Variants in SP110 observed in about 807,000 individuals in gnomAD.
The protein encoded by SP110 is interferon-induced protein 41, 30kD.
A neutral mutation model predicts 92.7 loss-of-function variants in SP110; 62 were observed. That is an observed-to-expected ratio of 0.67 (90% CI 0.55 to 0.83). The LOEUF (loss-of-function observed/expected upper bound fraction) is 0.83, where lower values mean the gene tolerates loss of function less well. SP110 is among the 40% of genes least tolerant of loss of function. SP110 has a pLI of 0.00. For missense variants in SP110, 793 were observed against 863.9 expected (o/e 0.92, Z 1.03); for synonymous variants, 273 against 305.3 (o/e 0.89, Z 1.10).
intron 10 of SP110, among the ~76,000 whole-genome samples, chr2:230,195,287 A>G (rs4973298): frequency 0.76 from 115,903 of 151,748 alleles, 44,392 homozygotes; most frequent in Admixed American, 0.83. Flanking sequence ...AGGGGATTGA[A>G]TAAAGATGGA....
Position 230,216,821 on chromosome 2 carries a change from C to G in SP110, c.107G>C (p.Gly36Ala), listed in dbSNP as rs1040601439. 1.9e-6 allele frequency: 3 copies of G among 1,614,062 alleles called. No homozygotes were observed. The East Asian group carries it at 6.7e-5, about 36-fold the overall frequency. ...AGTGATGATGGAGTTGTCTAGGAGG[C>G]CTTCAAAGAAGGGAAATGGCTTGTG... Reference protein sequence around the residue: ...AIHKPFPFFEGLLDNSIITKR... With the variant: ...AIHKPFPFFEALLDNSIITKR... Residue 36 changes from glycine to alanine, a missense_variant, in exon 2 of 19, where the codon GGC (glycine) becomes GCC (alanine). Physicochemically the swap from Gly to Ala is moderately conservative, Grantham distance 60. Coordinates refer to ENST00000258381, the MANE Select transcript of SP110 (RefSeq NM_080424.4).
intron 14 of SP110, chr2:230,176,367 G>T (rs939590682): frequency 5.2e-6 from 5 of 953,564 alleles, no homozygotes; most frequent in African/African-American, 5.0e-5. Context: ...ATTTGTTAGA[G>T]ATGGGGTCTT....
At chr2:230,177,180 A>T (rs2041901598) in intron 14 of SP110, among the ~76,000 whole-genome samples, 1 of 152,162 alleles carries the variant, frequency 6.6e-6, no homozygotes, top group South Asian at 2.1e-4. Flanking sequence ...GAAATGCTGC[A>T]GGGGGGCCAG....
Position 230,168,912 on chromosome 2 carries a change from T to TATTG in SP110, c.*211_*212insCAAT, listed in dbSNP as rs2078355521. 2.6e-6 allele frequency: 1 copy of TATTG among 383,644 alleles called. No individual in the cohort carries two copies. The allele number at this position is 383,644 out of a possible 1,614,324, so 23.8% of individuals were successfully genotyped here. On this transcript the variant is annotated 3_prime_UTR_variant, in exon 19 of 19. Coordinates refer to ENST00000258381, the MANE Select transcript of SP110 (RefSeq NM_080424.4). ...GGGGTATCTGATGGTATTAAGGAAGTATTAATTTTTTTTTTTTTTAGTGTA... is the reference window on the plus strand; with the variant it reads ...GGGGTATCTGATGGTATTAAGGAAGTATTGATTAATTTTTTTTTTTTTTAGTGTA...
chr2:230,215,900 T>C (rs1215649038), intron 2 of SP110, among the ~76,000 whole-genome samples: 1 of 152,166 alleles, frequency 6.6e-6, no homozygotes, highest in African/African-American at 2.4e-5. Context: ...CTTCATGAGA[T>C]GAGTTGGCCA....
At chr2:230,221,604 A>G (rs1454483068), upstream of SP110, 2 of 1,159,152 alleles carry the variant, frequency 1.7e-6, no homozygotes, top group African/African-American at 3.0e-5. Flanking sequence ...GAGAGGGTGC[A>G]TTGATGCCTC....
intron 5 of SP110, 41 bp downstream of exon 5, chr2:230,212,306 G>C (rs1175010353): frequency 6.9e-7 from 1 of 1,451,488 alleles, no homozygotes; most frequent in Non-Finnish European, 9.7e-7. Flanking sequence ...TCCCTTCACA[G>C]TCACCTTGAG....
chr2:230,196,485 A>C (rs2042877527), intron 10 of SP110, among the ~76,000 whole-genome samples: 1 of 152,102 alleles, frequency 6.6e-6, no homozygotes, highest in Non-Finnish European at 1.5e-5. Context: ...ACAAAAATAA[A>C]GTGGGGGAAG....
intron 2 of SP110, among the ~76,000 whole-genome samples, chr2:230,215,904 T>G (rs929282257): frequency 6.6e-6 from 1 of 152,158 alleles, no homozygotes; most frequent in Non-Finnish European, 1.5e-5. Flanking sequence ...ATGAGATGAG[T>G]TGGCCAAGGA....
intron 3 of SP110, among the ~76,000 whole-genome samples, chr2:230,214,407 T>A (rs2044862545): frequency 6.6e-6 from 1 of 152,222 alleles, no homozygotes. Context: ...GTAGGACTCT[T>A]GCTCTGCTTC....
chr2:230,208,098 G>A (rs1345465072), intron 7 of SP110, 39 bp from the exon 8 acceptor site: 2 of 1,124,468 alleles, frequency 1.8e-6, no homozygotes, highest in African/African-American at 1.5e-5. Context: ...TACAAACATT[G>A]ATCTCCCAAT....
At chr2:230,221,740 A>G (rs1462084088), upstream of SP110, 2 of 1,535,932 alleles carry the variant, frequency 1.3e-6, no homozygotes, top group Non-Finnish European at 1.7e-6. Flanking sequence ...AAGCCCCTTC[A>G]TGGGCATCTG....
rs1222747307 is a variant in SP110 at position 230,166,785 on chromosome 2, G to A, written c.*2339C>T. ...GGAAGAAGCCTGTGGGGTAGGATGG[G>A]ATGGGATGGGAATTAGAGGTGTATC... On this transcript the variant is annotated 3_prime_UTR_variant, in exon 19 of 19. Transcript: ENST00000258381. Among the ~76,000 whole-genome samples, 3 of 152,214 alleles carry A rather than the reference G, an allele frequency of 2.0e-5. 1 individual carries two copies. Among genetic ancestry groups the A allele is most frequent in the Non-Finnish European group, 4.4e-5 (3 of 68,034 alleles).
chr2:230,225,608 G>A, exon 1 of SP110: 1 of 584,030 alleles, frequency 1.7e-6, no homozygotes, highest in Non-Finnish European at 3.1e-6. Context: ...AAGTGACCCT[G>A]TCTTCCGTGG....
At chr2:230,194,216 C>T (rs1380405790) in intron 10 of SP110, among the ~76,000 whole-genome samples, 1 of 152,128 alleles carries the variant, frequency 6.6e-6, no homozygotes, top group Non-Finnish European at 1.5e-5. Flanking sequence ...GATCTCTTCC[C>T]AGGCTGGCTC....
chr2:230,183,038 G>A lies in SP110; in HGVS notation c.1348+534C>T, dbSNP rs74829709. Among the ~76,000 whole-genome samples, 1,118 of 152,218 alleles carry A rather than the reference G, an allele frequency of 7.3e-3. 8 individuals are homozygous for A. The highest frequency in any genetic ancestry group is 0.025 in the African/African-American group (1,036 of 41,524). The stretch of plus-strand genomic sequence containing the variant: ...AATAAAAAGGGCCAGTGTGGCTGGC[G>A]CCTAAAAAAGGAAGAGAGGGTGACA... On this transcript the variant is annotated intron_variant, in intron 12 of 18. Coordinates refer to ENST00000258381, the MANE Select transcript of SP110 (RefSeq NM_080424.4).
chr2:230,170,837 A>AGAGGTGACGTT, intron 17 of SP110, 76 bp from the exon 18 acceptor site: 1 of 1,455,354 alleles, frequency 6.9e-7, no homozygotes, highest in Non-Finnish European at 9.6e-7. Context: ...AATACAATCC[A>AGAGGTGACGTT]AGCCTTCATT....
chr2:230,211,522 T>G lies in SP110; in HGVS notation c.699A>C (p.Arg233Ser). 6.2e-7 allele frequency: 1 copy of G among 1,611,840 alleles called. No homozygotes were observed. The highest frequency in any genetic ancestry group is 1.1e-5 in the South Asian group (1 of 91,046). ...GCATCTCTTGAGGGTCTTCTTTATC[T>G]CTTATTTGGGGGATCAGGTTGTCAC... ...VASDNLIPQI[R>S]DKEDPQEMPH... The change falls in exon 6 of 19, where the codon AGA becomes AGC. Residue 233 changes from arginine to serine, a missense_variant. By Grantham distance (110) the Arg-to-Ser change is moderately radical. Coordinates refer to ENST00000258381, the MANE Select transcript of SP110 (RefSeq NM_080424.4). This position sits in a 1 kb window ranked among gnomAD's most constrained non-coding sequence, Gnocchi z 4.2.
chr2:230,186,166 T>C (rs940943556), intron 10 of SP110, 23 bp from the exon 11 acceptor site: 3 of 1,613,302 alleles, frequency 1.9e-6, no homozygotes, highest in Non-Finnish European at 2.5e-6. Context: ...GACTTGTGAA[T>C]AGTTTAGTGA....
Sources: allele counts gnomAD v4.1 joint callset (sites outside exome capture counted in the v4.1 genomes callset), GRCh38; gene constraint gnomAD v4.1.1; non-coding constraint Gnocchi (gnomAD v3.1); transcripts MANE v1.5; gene names NCBI Gene and HGNC (gene_info 2026-07-23, HGNC 2026-07-21).